TGFBI: variants seen among roughly 807,000 people sequenced by gnomAD.
The protein encoded by TGFBI is transforming growth factor beta induced, also known as transforming growth factor-beta-induced protein ig-h3.
In TGFBI, 50 loss-of-function variants were observed where a neutral mutation model predicts 73.7. The observed-to-expected ratio is 0.68, with a 90% CI of 0.54 to 0.86. The LOEUF (loss-of-function observed/expected upper bound fraction) is 0.86. Ranked by LOEUF, TGFBI falls within the 40% of genes least tolerant of loss-of-function variation. The probability of loss-of-function intolerance (pLI) is 0.00; values close to 1 mark genes in which losing one functional copy is unlikely to be tolerated. For synonymous variants in TGFBI, 362 were observed against 360.5 expected, an observed-to-expected ratio of 1.00 and a Z score of -0.05; for missense variants, 839 against 877.0, an observed-to-expected ratio of 0.96 and a Z score of 0.55.
At position 136,056,762 on chromosome 5, in the gene TGFBI, G is replaced by A. The variant is rs202066916; in HGVS notation, c.1645G>A (p.Ala549Thr). Residue 549 changes from alanine to threonine, a missense_variant, in exon 12 of 17, where the codon GCC becomes ACC. Physicochemically the swap from Ala to Thr is moderately conservative, Grantham distance 58. Transcript: ENST00000442011. ...TGCTCCCACAAATGAAGCCTTCCGA[G>A]CCCTGCCACCAAGAGAACGGAGCAG... ...VFAPTNEAFR[A>T]LPPRERSRLL... 463 of 1,613,858 alleles carry A rather than the reference G, an allele frequency of 2.9e-4. 2 individuals carry two copies. The African/African-American group carries it at 4.6e-3, about 16-fold the overall frequency.
In TGFBI at chr5:136,029,540, G is replaced by A. The variant is rs537716204; in HGVS notation, c.134+351G>A. The stretch of plus-strand genomic sequence containing the variant: ...TGGCAACTCTTTGGCCATAATCACC[G>A]TGGGAGGGTGCCAAGGGCAAAGCCC... On this transcript the variant is annotated intron_variant, in intron 1 of 16. Transcript: ENST00000442011. Among the ~76,000 whole-genome samples the A allele has an allele frequency of 1.3e-3, 200 of 152,324 alleles. 1 individual carries two copies. The highest frequency in any genetic ancestry group is 4.5e-3 in the African/African-American group (187 of 41,580).
chr5:136,042,288 G>T (rs1009378647), intron 2 of TGFBI, among the ~76,000 whole-genome samples: 1 of 152,280 alleles, frequency 6.6e-6, no homozygotes, highest in South Asian at 2.1e-4. Flanking sequence ...GACTAGAATC[G>T]TGAGTGTGAG....
At chr5:136,043,807 T>C (rs75072293) in intron 2 of TGFBI, among the ~76,000 whole-genome samples, 1 of 152,248 alleles carries the variant, frequency 6.6e-6, no homozygotes, top group South Asian at 2.1e-4. Flanking sequence ...GCCAGAGTCC[T>C]CTGTTCTCCC....
At position 136,046,441 on chromosome 5, in the gene TGFBI, C is replaced by T. The variant is rs180743451; in HGVS notation, c.405C>T (p.Pro135=). 1.1e-4 allele frequency: 176 copies of T among 1,613,530 alleles called. No individual in the cohort carries two copies. The highest frequency in any genetic ancestry group is 4.0e-4 in the African/African-American group (30 of 75,034). ...AGCTGAGGCCTGAGATGGAGGGGCC[C>T]GGCAGCTTCACCATCTTCGCCCCTA... ...TEKLRPEMEG[P]GSFTIFAPSN... The change falls in exon 4 of 17, where the codon CCC becomes CCT. Residue 135 remains proline (P), a synonymous_variant. Transcript: ENST00000442011.
chr5:136,041,840 A>C (rs191942785), intron 2 of TGFBI, among the ~76,000 whole-genome samples: 1 of 152,338 alleles, frequency 6.6e-6, no homozygotes, highest in East Asian at 1.9e-4. Flanking sequence ...CCTCAATGAG[A>C]TCCTGGTGAG....
At position 136,046,223 on chromosome 5, in the gene TGFBI, C is replaced by A. The variant is rs1039043153; in HGVS notation, c.299-112C>A. On this transcript the variant is annotated intron_variant, in intron 3 of 16. Coordinates refer to ENST00000442011, the MANE Select transcript of TGFBI (RefSeq NM_000358.3). ...GCCTGTCTTTGGGCTTTCCCACATGCCTCCTCGTCCTCTCCACCTGTAGAT... is the reference window on the plus strand; with the variant it reads ...GCCTGTCTTTGGGCTTTCCCACATGACTCCTCGTCCTCTCCACCTGTAGAT... The A allele has an allele frequency of 6.1e-6, 8 of 1,306,552 alleles. No individual in the cohort carries two copies. In the Admixed American group the frequency reaches 1.3e-4, roughly 21 times the overall value. The allele number at this position is 1,306,552 out of a possible 1,614,324, so 80.9% of individuals were successfully genotyped here. A position where few individuals can be genotyped will look rare whatever the true frequency, so the allele number is the denominator to read the frequency against.
At position 136,061,642 on chromosome 5, in the gene TGFBI, G is replaced by C. The variant is rs754153221; in HGVS notation, c.1986+63G>C. The C allele has an allele frequency of 2.2e-6, 3 of 1,393,946 alleles. No homozygotes were observed. In the South Asian group the frequency reaches 3.5e-5, roughly 16 times the overall value. 86.3% of individuals were successfully genotyped at this position (1,393,946 alleles called of 1,614,324 possible). On this transcript the variant is annotated intron_variant, in intron 15 of 16. Transcript: ENST00000442011. Reference sequence around the variant, plus strand: ...CCTCAGGTCCTCTGTTTGGGCCATAGAGGAGCCTCTCCAGCCCCTGTCTTC... The same window carrying C: ...CCTCAGGTCCTCTGTTTGGGCCATACAGGAGCCTCTCCAGCCCCTGTCTTC...
chr5:136,046,925 G>A lies in TGFBI; in HGVS notation c.534G>A (p.Arg178=). Residue 178 remains arginine (R), a synonymous_variant, in exon 5 of 17, where the codon AGG becomes AGA. Transcript: ENST00000442011. ...CCCTCCGCTACCATATGGTGGGCAGGCGAGTCCTGACTGATGAGCTGAAAC... is the reference window on the plus strand; with the variant it reads ...CCCTCCGCTACCATATGGTGGGCAGACGAGTCCTGACTGATGAGCTGAAAC... ...LNALRYHMVG[R]RVLTDELKHG... 1 of 1,613,802 alleles carries A rather than the reference G, an allele frequency of 6.2e-7. No homozygotes were observed. Among genetic ancestry groups the A allele is most frequent in the South Asian group, 1.1e-5 (1 of 91,026 alleles).
chr5:136,042,779 T>C (rs1464786363), intron 2 of TGFBI, among the ~76,000 whole-genome samples: 1 of 152,214 alleles, frequency 6.6e-6, no homozygotes, highest in African/African-American at 2.4e-5. Flanking sequence ...GCATCTTAGC[T>C]GATCTGTCTC....
At chr5:136,057,196 G>A (rs1366188395) in intron 12 of TGFBI, among the ~76,000 whole-genome samples, 2 of 152,182 alleles carry the variant, frequency 1.3e-5, no homozygotes, top group Non-Finnish European at 2.9e-5. Flanking sequence ...GAGCAGGAGG[G>A]AGCCCACTGA....
intron 9 of TGFBI, 23 bp downstream of exon 9, chr5:136,054,103 G>A (rs375728934): frequency 2.5e-6 from 4 of 1,606,360 alleles, no homozygotes; most frequent in Non-Finnish European, 2.6e-6. Context: ...AGGCATCCCT[G>A]TTAGATTGTC....
chr5:136,052,179 C>T (rs1751549340), intron 7 of TGFBI, among the ~76,000 whole-genome samples: 1 of 152,180 alleles, frequency 6.6e-6, no homozygotes, highest in Non-Finnish European at 1.5e-5. Flanking sequence ...TCAGGAGCCC[C>T]CTTTGGGCCT....
At chr5:136,062,545 C>T in intron 15 of TGFBI, 118 bp from the exon 16 acceptor site, 1 of 1,057,572 alleles carries the variant, frequency 9.5e-7, no homozygotes, top group Middle Eastern at 2.1e-4. Flanking sequence ...CCTTCCCCTT[C>T]CTCTTCCTCG....
intron 12 of TGFBI, chr5:136,058,673 G>A (rs528330376): frequency 1.4e-4 from 23 of 165,686 alleles, no homozygotes; most frequent in Middle Eastern, 2.8e-3. Flanking sequence ...TGTTATAACC[G>A]TCAGGAGCCA....
At chr5:136,050,337 A>C (rs1248678373) in intron 7 of TGFBI, among the ~76,000 whole-genome samples, 1 of 143,334 alleles carries the variant, frequency 7.0e-6, no homozygotes, top group African/African-American at 2.8e-5. Context: ...GTCTCAAGAA[A>C]AAAAAAAAAA....
Position 136,047,002 on chromosome 5 carries a change from A to G in TGFBI, c.611A>G (p.His204Arg). The change falls in exon 5 of 17, where the codon CAC (histidine) becomes CGC (arginine). Residue 204 changes from histidine to arginine, a missense_variant. Transcript: ENST00000442011. ...CAGAATTCCAACATCCAGATCCACCACTATCCTAATGGGGTAGGGGATCCC... is the reference window on the plus strand; with the variant it reads ...CAGAATTCCAACATCCAGATCCACCGCTATCCTAATGGGGTAGGGGATCCC... ...MYQNSNIQIH[H>R]YPNGIVTVNC... The G allele has an allele frequency of 6.2e-7, 1 of 1,612,232 alleles. No individual in the cohort carries two copies. Among genetic ancestry groups the G allele is most frequent in the Non-Finnish European group, 8.5e-7 (1 of 1,179,750 alleles).
chr5:136,036,304 GA>G (rs1751219116), intron 2 of TGFBI, among the ~76,000 whole-genome samples: 1 of 152,262 alleles, frequency 6.6e-6, no homozygotes, highest in Non-Finnish European at 1.5e-5. Context: ...CACAAAGCCA[GA>G]AGGATATGAC....
intron 7 of TGFBI, among the ~76,000 whole-genome samples, chr5:136,052,281 G>A (rs564816547): frequency 3.3e-5 from 5 of 152,358 alleles, no homozygotes; most frequent in Middle Eastern, 3.4e-3. Context: ...GATGGCAAAG[G>A]CCAAGTCTTA....
chr5:136,035,152 G>A (rs1267066671), intron 2 of TGFBI, among the ~76,000 whole-genome samples: 4 of 152,180 alleles, frequency 2.6e-5, no homozygotes, highest in Non-Finnish European at 2.9e-5. Flanking sequence ...GTCCATGGCA[G>A]CTTGCTCCAT....
Sources: gnomAD v4.1 joint callset for allele counts (sites outside exome capture counted in the v4.1 genomes callset) on GRCh38, gnomAD v4.1.1 for gene constraint, MANE v1.5 for transcripts, NCBI Gene and HGNC (gene_info 2026-07-23, HGNC 2026-07-21) for gene names.